Variants in FAM20C observed in about 807,000 individuals in gnomAD.
FAM20C encodes extracellular serine/threonine protein kinase FAM20C.
A neutral mutation model predicts 51.5 loss-of-function variants in FAM20C; 40 were observed. The observed-to-expected ratio is 0.78, with a 90% CI of 0.60 to 1.01. FAM20C has a LOEUF of 1.01. Ranked by LOEUF, FAM20C falls within the 50% of genes least tolerant of loss-of-function variation. The pLI is 0.00. For synonymous variants in FAM20C, 406 were observed against 380.6 expected, an observed-to-expected ratio of 1.07 and a Z score of -0.78; for missense variants, 861 against 844.7, an observed-to-expected ratio of 1.02 and a Z score of -0.24.
intron 3 of FAM20C, among the ~76,000 whole-genome samples, chr7:224,182 C>T (rs1454268459): frequency 1.0e-3 from 135 of 134,400 alleles, no homozygotes; most frequent in Middle Eastern, 4.3e-3. Context: ...CGGAGCAGAA[C>T]GGCACCGTCA....
chr7:242,963 T>G (rs940780015), intron 3 of FAM20C, among the ~76,000 whole-genome samples: 81 of 133,236 alleles, frequency 6.1e-4, no homozygotes, highest in South Asian at 2.1e-3. Context: ...CCACCCGGGA[T>G]ACCTGTGCCA....
intron 3 of FAM20C, among the ~76,000 whole-genome samples, chr7:211,362 C>G (rs1786702172): frequency 6.7e-6 from 1 of 150,124 alleles, no homozygotes; most frequent in African/African-American, 2.5e-5. Flanking sequence ...CCTCCCCCAG[C>G]CTCTTCCAAC....
Position 192,934 on chromosome 7 carries a change from G to GCGGACCAGGACCCCTGGGCTCCC in FAM20C, c.-262_-240dup, listed in dbSNP as rs1785629430. On this transcript the variant is annotated 5_prime_UTR_variant, in exon 1 of 10. It introduces an in-frame stop codon into an upstream open reading frame of the 5' UTR. Transcript: ENST00000313766. Reference sequence around the variant, plus strand: ...AGCCGCCCCCCGCGCGCCCGGCTCCGCGGACCAGGACCCCTGGGCTCCCCG... The same window carrying GCGGACCAGGACCCCTGGGCTCCC: ...AGCCGCCCCCCGCGCGCCCGGCTCCGCGGACCAGGACCCCTGGGCTCCCCGGACCAGGACCCCTGGGCTCCCCG... 1 of 154,382 alleles carries GCGGACCAGGACCCCTGGGCTCCC rather than the reference G, an allele frequency of 6.5e-6. No homozygotes were observed. The highest frequency in any genetic ancestry group is 2.0e-4 in the South Asian group (1 of 4,988). 9.6% of individuals were successfully genotyped at this position (154,382 alleles called of 1,614,324 possible).
chr7:245,715 C>A (rs1055731555), intron 3 of FAM20C, among the ~76,000 whole-genome samples: 5 of 152,248 alleles, frequency 3.3e-5, no homozygotes, highest in Non-Finnish European at 5.9e-5. Flanking sequence ...CCTCACAGGG[C>A]CCTGCGGCTA....
chr7:213,853 G>A (rs776266057), intron 3 of FAM20C, among the ~76,000 whole-genome samples: 8 of 152,140 alleles, frequency 5.3e-5, no homozygotes, highest in East Asian at 1.9e-4. Context: ...GATGACGGCC[G>A]TCCCGGTGGG....
At position 256,801 on chromosome 7, in the gene FAM20C, G is replaced by A. The variant is rs766557527; in HGVS notation, c.1363+38G>A. Reference sequence around the variant, plus strand: ...GGGGCACGGGGTCCCCGTGTCACTCGCCTTGCGTGGAGCGGATGCACGCAG... The same window carrying A: ...GGGGCACGGGGTCCCCGTGTCACTCACCTTGCGTGGAGCGGATGCACGCAG... On this transcript the variant is annotated intron_variant, in intron 7 of 9. Transcript: ENST00000313766. 2.6e-5 allele frequency: 40 copies of A among 1,516,916 alleles called. No individual in the cohort carries two copies. In the Admixed American group the frequency reaches 3.3e-4, roughly 13 times the overall value. 94.0% of individuals were successfully genotyped at this position (1,516,916 alleles called of 1,614,324 possible).
chr7:198,677 G>A (rs1785998147), intron 2 of FAM20C, among the ~76,000 whole-genome samples: 1 of 152,210 alleles, frequency 6.6e-6, no homozygotes, highest in African/African-American at 2.4e-5. Flanking sequence ...TGGCCTCACA[G>A]GGTTGTTGGG....
At chr7:222,578 A>T (rs1464654657) in intron 3 of FAM20C, among the ~76,000 whole-genome samples, 1 of 152,128 alleles carries the variant, frequency 6.6e-6, no homozygotes, top group Non-Finnish European at 1.5e-5. Flanking sequence ...TGGGGCCAGG[A>T]TCCCAGCAAG....
At position 248,622 on chromosome 7, in the gene FAM20C, A is replaced by G. The variant is rs187001490; in HGVS notation, c.1072+192A>G. ...CATTCATCTCTTCAGGTAGCCTGGC[A>G]CGGGGAGCCCACATTCATCTCGCCA... On this transcript the variant is annotated intron_variant, in intron 5 of 9. Transcript: ENST00000313766. Among the ~76,000 whole-genome samples the G allele has an allele frequency of 4.0e-3, 517 of 129,978 alleles. 21 individuals are homozygous for G. The East Asian group carries it at 0.041, about 10-fold the overall frequency. The allele number at this position is 129,978 out of a possible 152,430, so 85.3% of individuals were successfully genotyped here.
intron 1 of FAM20C, among the ~76,000 whole-genome samples, chr7:194,982 T>C (rs948745488): frequency 2.0e-5 from 3 of 152,242 alleles, no homozygotes; most frequent in African/African-American, 4.8e-5. Context: ...GAGCCTGGGC[T>C]GGAGAGAGTG....
rs1353252133 is a variant in FAM20C at position 218,855 on chromosome 7, GGACGCACA to G, written c.863+9882_863+9889del. 5.1e-4 allele frequency among the ~76,000 whole-genome samples: 75 copies of G among 146,592 alleles called. 2 individuals are homozygous for G. Among genetic ancestry groups the G allele is most frequent in the African/African-American group, 1.3e-3 (51 of 40,158 alleles). On this transcript the variant is annotated intron_variant, in intron 3 of 9. Transcript: ENST00000313766. Reference sequence around the variant, plus strand: ...CCGGCCGGGAGCTGACACGGGCCCAGGACGCACAGATCACTCCTGTCCGGCCGGGAGCT... The same window carrying G: ...CCGGCCGGGAGCTGACACGGGCCCAGGATCACTCCTGTCCGGCCGGGAGCT...
chr7:212,651 G>A (rs913974723), intron 3 of FAM20C, among the ~76,000 whole-genome samples: 2 of 151,984 alleles, frequency 1.3e-5, no homozygotes, highest in East Asian at 1.9e-4. Context: ...TGCACAGCGT[G>A]TGGGGGGCGG....
chr7:193,702 C>G lies in FAM20C; in HGVS notation c.503C>G (p.Pro168Arg), dbSNP rs1249432957. 14 of 1,546,122 alleles carry G rather than the reference C, an allele frequency of 9.1e-6. No homozygotes were observed. Among genetic ancestry groups the G allele is most frequent in the Non-Finnish European group, 1.2e-5 (14 of 1,145,052 alleles). ...ASLLARLFEH[P>R]LYRVAVPPLT... ...CTCCTGGCCAGGCTGTTCGAGCACC[C>G]GCTTTACCGGGTGGCGGTTCCGCCG... Residue 168 changes from proline to arginine, a missense_variant, in exon 1 of 10, where the codon CCG becomes CGG. Coordinates refer to ENST00000313766, the MANE Select transcript of FAM20C (RefSeq NM_020223.4).
intron 3 of FAM20C, among the ~76,000 whole-genome samples, chr7:230,747 T>C (rs1787637263): frequency 4.6e-5 from 2 of 43,082 alleles, no homozygotes; most frequent in Non-Finnish European, 2.1e-4. Context: ...TACTGAATAA[T>C]ACCTATTGGT....
chr7:236,149 G>A (rs893332220), intron 3 of FAM20C, among the ~76,000 whole-genome samples: 1 of 151,770 alleles, frequency 6.6e-6, no homozygotes, highest in Non-Finnish European at 1.5e-5. Context: ...TTTTCCCGGG[G>A]GCTGAATCAG....
In FAM20C at chr7:253,968, C is replaced by T. The variant is rs529450328; in HGVS notation, c.1073-1881C>T. 5.9e-5 allele frequency among the ~76,000 whole-genome samples: 9 copies of T among 152,328 alleles called. No individual in the cohort carries two copies. In the South Asian group the frequency reaches 8.3e-4, roughly 14 times the overall value. On this transcript the variant is annotated intron_variant, in intron 5 of 9. Transcript: ENST00000313766. ...GCTGCCTCGTCCGACTGTGGGCTGC[C>T]GACTAATCTGTATCAGCACGAGACA... is the stretch of plus-strand genomic sequence containing the variant.
chr7:235,920 C>CG (rs1787834564), intron 3 of FAM20C, among the ~76,000 whole-genome samples: 1 of 152,234 alleles, frequency 6.6e-6, no homozygotes, highest in African/African-American at 2.4e-5. Flanking sequence ...CCCCCAGCCA[C>CG]GGTACGCTCT....
chr7:235,136 AAACT>A (rs1787810873), intron 3 of FAM20C, among the ~76,000 whole-genome samples: 2 of 151,970 alleles, frequency 1.3e-5, no homozygotes. Context: ...CGGCATTTTC[AAACT>A]GTTTACACTG....
In FAM20C at chr7:258,645, G is replaced by A. The variant is rs796051855; in HGVS notation, c.1446-1G>A. 2.6e-6 allele frequency: 4 copies of A among 1,536,820 alleles called. No homozygotes were observed. Among genetic ancestry groups the A allele is most frequent in the Non-Finnish European group, 3.5e-6 (4 of 1,146,580 alleles). The stretch of plus-strand genomic sequence containing the variant: ...TGACAATTCTGCTTTTCTTCTGGAA[G>A]GTTTGGGAAGTATTCGCACGACGAG... On this transcript the variant is annotated splice_acceptor_variant, in intron 8 of 9. Coordinates refer to ENST00000313766, the MANE Select transcript of FAM20C (RefSeq NM_020223.4). LOFTEE classifies it high-confidence loss of function.
Sources: allele counts gnomAD v4.1 joint callset (sites outside exome capture counted in the v4.1 genomes callset), GRCh38; gene constraint gnomAD v4.1.1; transcripts MANE v1.5; gene names NCBI Gene and HGNC (gene_info 2026-07-23, HGNC 2026-07-21).